PLCB4: variants seen among roughly 807,000 people sequenced by gnomAD.
PLCB4 encodes the protein 1-phosphatidylinositol 4,5-bisphosphate phosphodiesterase beta-4.
A neutral mutation model predicts 178.8 loss-of-function variants in PLCB4; 77 were observed. The ratio of observed to expected loss-of-function variants is 0.43; its 90% CI spans 0.36 to 0.52. The LOEUF is 0.52. Among genes scored for constraint, PLCB4 ranks in the 20% least tolerant of loss-of-function variants. The pLI is 0.00. For synonymous variants in PLCB4, 496 were observed against 490.8 expected (o/e 1.01, Z -0.14); for missense variants, 1,024 against 1,453.4 (o/e 0.70, Z 4.80).
At chr20:9,311,266 T>A (rs1447354242) in intron 4 of PLCB4, among the ~76,000 whole-genome samples, 1 of 152,182 alleles carries the variant, frequency 6.6e-6, no homozygotes, top group Non-Finnish European at 1.5e-5. Context: ...TGGCTACCAT[T>A]CAGTTTCCAG....
chr20:9,470,220 A>G (rs538476674), intron 36 of PLCB4, among the ~76,000 whole-genome samples: 45 of 152,122 alleles, frequency 3.0e-4, no homozygotes, highest in African/African-American at 1.1e-3. Flanking sequence ...AATCCCAGCT[A>G]CTCAGGAGGC....
chr20:9,247,322 T>C (rs1471191327), intron 3 of PLCB4, among the ~76,000 whole-genome samples: 1 of 152,218 alleles, frequency 6.6e-6, no homozygotes, highest in African/African-American at 2.4e-5. Context: ...TAGCCTCTGT[T>C]TTCCCCAGTT....
intron 3 of PLCB4, among the ~76,000 whole-genome samples, chr20:9,261,804 C>T (rs2094300060): frequency 6.6e-6 from 1 of 152,144 alleles, no homozygotes; most frequent in Admixed American, 6.6e-5. Flanking sequence ...TGAGAACAGA[C>T]TGGCTGTGCA....
intron 2 of PLCB4, among the ~76,000 whole-genome samples, chr20:9,176,348 TG>T (rs1038131451): frequency 1.2e-4 from 18 of 152,188 alleles, no homozygotes; most frequent in Admixed American, 3.3e-4. Flanking sequence ...TTATTTCTTT[TG>T]GGTAAATAAG....
chr20:9,447,645 C>A (rs2042495471), intron 32 of PLCB4, among the ~76,000 whole-genome samples: 1 of 152,224 alleles, frequency 6.6e-6, no homozygotes, highest in Admixed American at 6.5e-5. Context: ...AGGGAAATAA[C>A]TGTGGCCATT....
chr20:9,472,653 A>C (rs1748622205), intron 36 of PLCB4, 137 bp from the exon 37 acceptor site: 1 of 502,468 alleles, frequency 2.0e-6, no homozygotes, highest in African/African-American at 2.0e-5. Flanking sequence ...ATGTTTGAAA[A>C]TACTGCAATA....
intron 2 of PLCB4, among the ~76,000 whole-genome samples, chr20:9,209,920 A>C (rs529466249): frequency 9.1e-5 from 13 of 143,144 alleles, no homozygotes; most frequent in Admixed American, 8.2e-4. Context: ...GTCGAGATCG[A>C]GCCACTGAAC....
At chr20:9,470,623 T>A (rs1212365749) in intron 36 of PLCB4, among the ~76,000 whole-genome samples, 1 of 152,244 alleles carries the variant, frequency 6.6e-6, no homozygotes, top group African/African-American at 2.4e-5. Flanking sequence ...TTGGAGTTAC[T>A]GCTAACTTAA....
In PLCB4 at chr20:9,380,134, T is replaced by C. The variant is rs2037017796; in HGVS notation, c.825T>C (p.Tyr275=). Residue 275 remains tyrosine, a synonymous_variant, in exon 13 of 40, where the codon TAT becomes TAC. Coordinates refer to ENST00000378473, the MANE Select transcript of PLCB4 (RefSeq NM_001377142.1). The part of the protein sequence containing the change: ...AKRAMQIIEM[Y]EPDEDLKKKG... ...GGGCAATGCAGATCATTGAGATGTA[T>C]GAACCTGATGAAGATTTGAAGAAAA... 4 of 1,553,840 alleles carry C rather than the reference T, an allele frequency of 2.6e-6. No homozygotes were observed. Among genetic ancestry groups the C allele is most frequent in the Non-Finnish European group, 1.8e-6 (2 of 1,140,280 alleles).
chr20:9,102,973 A>G (rs2091223886), intron 2 of PLCB4, among the ~76,000 whole-genome samples: 3 of 151,884 alleles, frequency 2.0e-5, no homozygotes, highest in South Asian at 4.2e-4. Flanking sequence ...TAGGAACCAC[A>G]TATACTCACT....
intron 3 of PLCB4, among the ~76,000 whole-genome samples, chr20:9,279,640 A>C (rs1235213504): frequency 1.3e-5 from 2 of 152,074 alleles, no homozygotes; most frequent in African/African-American, 2.4e-5. Flanking sequence ...GTTCATCATC[A>C]TTTTAATCTT....
chr20:9,330,473 A>G (rs2031474182), intron 4 of PLCB4, among the ~76,000 whole-genome samples: 1 of 152,196 alleles, frequency 6.6e-6, no homozygotes, highest in African/African-American at 2.4e-5. Flanking sequence ...TCTTCTGGCG[A>G]TAGGCAGAGG....
chr20:9,245,720 C>T (rs1300196507), intron 3 of PLCB4, among the ~76,000 whole-genome samples: 5 of 143,474 alleles, frequency 3.5e-5, no homozygotes, highest in South Asian at 2.3e-4. Context: ...AACCAAGAGG[C>T]AATAAATATC....
rs182681309 is a variant in PLCB4, at chr20:9,139,307, C to T, written c.-79+42965C>T. ...TTCATGAGTCTGGGTGGTAACTGGG[C>T]TCAGCTGGGCAGTTCTTCTGTTTCA... On this transcript the variant is annotated intron_variant, in intron 2 of 39. Coordinates refer to ENST00000378473, the MANE Select transcript of PLCB4 (RefSeq NM_001377142.1). Among the ~76,000 whole-genome samples the T allele has an allele frequency of 7.9e-5, 12 of 152,200 alleles. No homozygotes were observed. In the East Asian group the frequency reaches 2.1e-3, roughly 27 times the overall value.
At chr20:9,358,440 T>C (rs1486104639) in intron 7 of PLCB4, among the ~76,000 whole-genome samples, 1 of 152,164 alleles carries the variant, frequency 6.6e-6, no homozygotes, top group Non-Finnish European at 1.5e-5. Context: ...ATTTTTCCAT[T>C]GACAATATGC....
chr20:9,153,916 T>C (rs763635290), intron 2 of PLCB4, among the ~76,000 whole-genome samples: 3 of 152,228 alleles, frequency 2.0e-5, no homozygotes, highest in African/African-American at 4.8e-5. Context: ...AATCCGGTCA[T>C]TATTTCTTTT....
At position 9,362,872 on chromosome 20, in the gene PLCB4, G is replaced by A. The variant is rs189992343; in HGVS notation, c.370-24G>A. ...TGACTCCAGCAGATTTGCTCACCAA[G>A]AATATTTTTTCTTTCTCTTTCAGCA... On this transcript the variant is annotated intron_variant, in intron 7 of 39. Transcript: ENST00000378473. The A allele has an allele frequency of 1.6e-5, 25 of 1,545,176 alleles. No homozygotes were observed. The African/African-American group carries it at 3.0e-4, about 18-fold the overall frequency.
chr20:9,466,134 A>C (rs530330432), intron 35 of PLCB4, among the ~76,000 whole-genome samples: 1 of 152,220 alleles, frequency 6.6e-6, no homozygotes, highest in Non-Finnish European at 1.5e-5. Context: ...AACACCACAC[A>C]TCTACAACCA....
chr20:9,464,170 T>G (rs1160410063), intron 35 of PLCB4, among the ~76,000 whole-genome samples: 5 of 152,184 alleles, frequency 3.3e-5, no homozygotes, highest in African/African-American at 1.2e-4. Flanking sequence ...AACCTGCTCC[T>G]GAATGACTAC....
Sources: gnomAD v4.1 joint callset for allele counts (sites outside exome capture counted in the v4.1 genomes callset) on GRCh38, gnomAD v4.1.1 for gene constraint, MANE v1.5 for transcripts, NCBI Gene and HGNC (gene_info 2026-07-23, HGNC 2026-07-21) for gene names.